The following NLGN1 variants were observed in gnomAD, a reference collection of about 807,000 sequenced individuals.
NLGN1 encodes neuroligin-1.
NLGN1 carries 12 observed loss-of-function variants against 65.5 expected under a neutral mutation model. The observed-to-expected ratio is 0.18, with a 90% CI of 0.12 to 0.30. NLGN1 has a LOEUF of 0.30. Among genes scored for constraint, NLGN1 ranks in the 10% least tolerant of loss-of-function variants. NLGN1 has a pLI of 1.00. For synonymous variants in NLGN1, 350 were observed against 359.5 expected, an observed-to-expected ratio of 0.97 and a Z score of 0.30; for missense variants, 750 against 1,007.1, an observed-to-expected ratio of 0.74 and a Z score of 3.46.
intron 4 of NLGN1, among the ~76,000 whole-genome samples, chr3:173,892,366 A>G (rs920399016): frequency 1.3e-4 from 19 of 151,840 alleles, no homozygotes; most frequent in African/African-American, 4.1e-4. Context: ...ACCTTCGTAA[A>G]TGTAGGTTGG....
At chr3:173,869,762 G>A (rs754701606) in intron 4 of NLGN1, among the ~76,000 whole-genome samples, 7 of 151,974 alleles carry the variant, frequency 4.6e-5, no homozygotes, top group Non-Finnish European at 8.8e-5. Flanking sequence ...TTTTTTAGTG[G>A]CTTTTACTGG....
chr3:173,695,648 C>T, intron 3 of NLGN1: 1 of 226,626 alleles, frequency 4.4e-6, no homozygotes, highest in East Asian at 1.1e-4. Flanking sequence ...AAATCTTATA[C>T]TGTGGACTTA....
chr3:174,157,907 C>T (rs535539187), intron 4 of NLGN1, among the ~76,000 whole-genome samples: 3 of 151,734 alleles, frequency 2.0e-5, no homozygotes, highest in African/African-American at 7.3e-5. Context: ...CACTATTTTT[C>T]TTTAATACTT....
At chr3:173,534,690 A>G (rs1475659121) in intron 2 of NLGN1, among the ~76,000 whole-genome samples, 1 of 152,228 alleles carries the variant, frequency 6.6e-6, no homozygotes, top group Non-Finnish European at 1.5e-5. Context: ...AAGGACATAA[A>G]GAAGTGGGAA....
intron 3 of NLGN1, among the ~76,000 whole-genome samples, chr3:173,612,328 T>C (rs950567668): frequency 2.6e-5 from 4 of 152,238 alleles, no homozygotes; most frequent in Admixed American, 2.6e-4. Context: ...TTGCCTAGGC[T>C]GCTGTAACAA....
In NLGN1 at chr3:174,079,983, C is replaced by T. The variant is rs116686652; in HGVS notation, c.647-195332C>T. On this transcript the variant is annotated intron_variant, in intron 4 of 6. Coordinates refer to ENST00000457714, the Ensembl canonical transcript of NLGN1. ...TGGAATAATCTGTACCACAAACCCC[C>T]ATGACACAAGTTTATCTATGTAACA... 2.8e-3 allele frequency among the ~76,000 whole-genome samples: 433 copies of T among 152,118 alleles called. 1 individual carries two copies. Among genetic ancestry groups the T allele is most frequent in the Non-Finnish European group, 4.7e-3 (319 of 67,990 alleles).
chr3:174,056,514 G>A (rs1213715712), intron 4 of NLGN1, among the ~76,000 whole-genome samples: 1 of 151,876 alleles, frequency 6.6e-6, no homozygotes, highest in East Asian at 1.9e-4. Flanking sequence ...TAAAAAACGA[G>A]TAAGCTTTGA....
intron 3 of NLGN1, among the ~76,000 whole-genome samples, chr3:173,718,124 A>G (rs1770182243): frequency 6.6e-6 from 1 of 152,056 alleles, no homozygotes; most frequent in African/African-American, 2.4e-5. Context: ...CATCACCTCA[A>G]ACGTTTGTTA....
intron 4 of NLGN1, among the ~76,000 whole-genome samples, chr3:174,038,205 T>C (rs1432801594): frequency 6.6e-6 from 1 of 152,194 alleles, no homozygotes; most frequent in African/African-American, 2.4e-5. Flanking sequence ...ACTCAGCTTC[T>C]ATGAGCAAGT....
chr3:173,918,345 G>A (rs2152251056), intron 4 of NLGN1, among the ~76,000 whole-genome samples: 1 of 152,116 alleles, frequency 6.6e-6, no homozygotes, highest in South Asian at 2.1e-4. Context: ...ATTTTAAAAT[G>A]CATAGAATGG....
At chr3:174,044,059 T>C (rs1333984934) in intron 4 of NLGN1, among the ~76,000 whole-genome samples, 1 of 152,216 alleles carries the variant, frequency 6.6e-6, no homozygotes, top group Non-Finnish European at 1.5e-5. Flanking sequence ...GCTTGCATCC[T>C]CTGAAGCCAT....
chr3:173,801,900 A>G (rs949208914), intron 3 of NLGN1, among the ~76,000 whole-genome samples: 3 of 152,120 alleles, frequency 2.0e-5, no homozygotes, highest in Non-Finnish European at 4.4e-5. Context: ...ATTTTGTGAC[A>G]TTGTAGAACA....
chr3:173,721,929 G>A (rs1420627745), intron 3 of NLGN1, among the ~76,000 whole-genome samples: 2 of 114,816 alleles, frequency 1.7e-5, no homozygotes, highest in African/African-American at 6.7e-5. Context: ...TGGGCAACAT[G>A]AATATCTGCT....
chr3:174,217,511 A>C (rs752017433), intron 4 of NLGN1, among the ~76,000 whole-genome samples: 8 of 152,038 alleles, frequency 5.3e-5, no homozygotes, highest in Non-Finnish European at 1.2e-4. Context: ...ATCAGGTTGC[A>C]GACTACTGAC....
chr3:173,439,530 T>C (rs1718765251), intron 2 of NLGN1, among the ~76,000 whole-genome samples: 1 of 128,000 alleles, frequency 7.8e-6, no homozygotes, highest in Admixed American at 7.6e-5. Flanking sequence ...CTCATTCACC[T>C]GCAAAAAAAA....
chr3:174,187,133 TTTTA>T (rs1377691799), intron 4 of NLGN1, among the ~76,000 whole-genome samples: 1 of 152,012 alleles, frequency 6.6e-6, no homozygotes, highest in Non-Finnish European at 1.5e-5. Context: ...TATTATTATT[TTTTA>T]TTTATTCATT....
At chr3:173,618,307 C>T (rs1292506799) in intron 3 of NLGN1, among the ~76,000 whole-genome samples, 1 of 152,056 alleles carries the variant, frequency 6.6e-6, no homozygotes, top group Non-Finnish European at 1.5e-5. Flanking sequence ...AGTGATCCTC[C>T]TGCCTCAGCA....
chr3:174,060,120 T>C (rs1737071158), intron 4 of NLGN1, among the ~76,000 whole-genome samples: 2 of 152,166 alleles, frequency 1.3e-5, no homozygotes, highest in Admixed American at 1.3e-4. Flanking sequence ...TTTGTATTTC[T>C]ACATGGTACT....
At chr3:173,926,068 A>T (rs1051478870) in intron 4 of NLGN1, among the ~76,000 whole-genome samples, 16 of 152,076 alleles carry the variant, frequency 1.1e-4, no homozygotes, top group African/African-American at 2.4e-4. Context: ...TTCTATTTTT[A>T]AAAAAATTCA....
Sources: allele counts gnomAD v4.1 joint callset (sites outside exome capture counted in the v4.1 genomes callset), GRCh38; gene constraint gnomAD v4.1.1; transcripts MANE v1.5; gene names NCBI Gene and HGNC (gene_info 2026-07-23, HGNC 2026-07-21).